The following KIAA1328 variants were observed in gnomAD, a reference collection of about 807,000 sequenced individuals.
KIAA1328 encodes KIAA1328.
In KIAA1328, 52 loss-of-function variants were observed where a neutral mutation model predicts 68.1. That is an observed-to-expected ratio of 0.76 (90% CI 0.61 to 0.96). The LOEUF (loss-of-function observed/expected upper bound fraction) is 0.96. KIAA1328 is among the 40% of genes least tolerant of loss of function. KIAA1328 has a pLI of 0.00. For missense variants in KIAA1328, 641 were observed against 677.6 expected (o/e 0.95, Z 0.60); for synonymous variants, 232 against 239.4 (o/e 0.97, Z 0.28).
chr18:37,109,047 T>A (rs1294635442), intron 7 of KIAA1328, among the ~76,000 whole-genome samples: 2 of 152,002 alleles, frequency 1.3e-5, no homozygotes, highest in African/African-American at 4.8e-5. Context: ...TCTGTCCTTG[T>A]GATAGTTTGC....
chr18:37,026,430 T>G (rs937120474), intron 6 of KIAA1328, among the ~76,000 whole-genome samples: 1 of 151,958 alleles, frequency 6.6e-6, no homozygotes, highest in African/African-American at 2.4e-5. Flanking sequence ...AAAAAGAGAA[T>G]TTTAGACCAA....
intron 7 of KIAA1328, among the ~76,000 whole-genome samples, chr18:37,108,776 T>C (rs1402085612): frequency 1.3e-5 from 2 of 152,146 alleles, no homozygotes; most frequent in Non-Finnish European, 2.9e-5. Flanking sequence ...TTGTTTTGTT[T>C]TGTTTTGTTT....
chr18:36,889,330 CA>C (rs1472684356), intron 5 of KIAA1328, among the ~76,000 whole-genome samples: 6 of 152,132 alleles, frequency 3.9e-5, no homozygotes, highest in African/African-American at 1.4e-4. Context: ...AATTCTGAAA[CA>C]TGTTGGCATG....
rs1403137061 is a variant in KIAA1328 at position 37,193,551 on chromosome 18, C to T, written c.1523+20470C>T. The stretch of plus-strand genomic sequence containing the variant: ...ATGAATATTAACAACCTATTTAATC[C>T]TTGAACCACTCATGGACATTTTAAT... On this transcript the variant is annotated intron_variant, in intron 9 of 9. Coordinates refer to ENST00000280020, the MANE Select transcript of KIAA1328 (RefSeq NM_020776.3). 4.3e-6 allele frequency: 3 copies of T among 699,866 alleles called. No homozygotes were observed. The African/African-American group carries it at 5.3e-5, about 12-fold the overall frequency. 43.4% of individuals were successfully genotyped at this position (699,866 alleles called of 1,614,324 possible). A position where few individuals can be genotyped will look rare whatever the true frequency, so the allele number is the denominator to read the frequency against.
intron 6 of KIAA1328, among the ~76,000 whole-genome samples, chr18:36,981,457 G>C (rs2151374570): frequency 1.3e-5 from 2 of 152,276 alleles, no homozygotes; most frequent in South Asian, 4.1e-4. Flanking sequence ...CCATACAGGA[G>C]AATAATCAGT....
At chr18:37,063,879 A>G (rs923458826) in intron 6 of KIAA1328, among the ~76,000 whole-genome samples, 1 of 152,170 alleles carries the variant, frequency 6.6e-6, no homozygotes, top group Non-Finnish European at 1.5e-5. Context: ...ATATGAATAT[A>G]TAATATAAAA....
At position 36,994,108 on chromosome 18, in the gene KIAA1328, C is replaced by A. The variant is rs1404381370; in HGVS notation, c.576+34673C>A. 2.6e-5 allele frequency among the ~76,000 whole-genome samples: 4 copies of A among 151,908 alleles called. No homozygotes were observed. In the East Asian group the frequency reaches 7.7e-4, roughly 29 times the overall value. ...TTTTCCATTTCAAGAAAATTTATACCCTGTAGTAGTTTAATTAAAATTAAC... is the reference window on the plus strand; with the variant it reads ...TTTTCCATTTCAAGAAAATTTATACACTGTAGTAGTTTAATTAAAATTAAC... On this transcript the variant is annotated intron_variant, in intron 6 of 9. Transcript: ENST00000280020.
intron 4 of KIAA1328, among the ~76,000 whole-genome samples, chr18:36,851,464 C>G (rs984022451): frequency 6.6e-6 from 1 of 151,230 alleles, no homozygotes; most frequent in African/African-American, 2.4e-5. Flanking sequence ...ATTTTGATTA[C>G]TGATTCAATC....
At chr18:37,211,637 G>T (rs1463237263) in intron 9 of KIAA1328, among the ~76,000 whole-genome samples, 1 of 152,168 alleles carries the variant, frequency 6.6e-6, no homozygotes, top group Non-Finnish European at 1.5e-5. Context: ...TAAGCCATTG[G>T]AATTCTGAAG....
At chr18:37,097,877 T>C (rs1294585588) in intron 7 of KIAA1328, among the ~76,000 whole-genome samples, 1 of 152,186 alleles carries the variant, frequency 6.6e-6, no homozygotes, top group Non-Finnish European at 1.5e-5. Flanking sequence ...TGTCTGTTTG[T>C]CTGTTATTAG....
At chr18:37,024,415 A>G (rs887830084) in intron 6 of KIAA1328, among the ~76,000 whole-genome samples, 1 of 150,454 alleles carries the variant, frequency 6.6e-6, no homozygotes, top group African/African-American at 2.4e-5. Context: ...TCTAGGGCAC[A>G]CGTGCACAAT....
chr18:36,972,250 T>C (rs1238293162), intron 6 of KIAA1328, among the ~76,000 whole-genome samples: 11 of 152,200 alleles, frequency 7.2e-5, no homozygotes, highest in Admixed American at 7.2e-4. Context: ...CTTCACACCA[T>C]GCACAAAAAT....
chr18:37,084,393 AAAAC>A (rs1367940198), intron 7 of KIAA1328: 2 of 384,846 alleles, frequency 5.2e-6, no homozygotes, highest in East Asian at 3.8e-5. Context: ...AAAAATATGA[AAAAC>A]AAAATAAAAA....
intron 7 of KIAA1328, among the ~76,000 whole-genome samples, chr18:37,158,716 G>A (rs2059211514): frequency 2.0e-5 from 3 of 152,108 alleles, no homozygotes; most frequent in Admixed American, 2.0e-4. Context: ...TTACCAAGGT[G>A]GAATTTTGAA....
chr18:36,892,019 C>A (rs2048705304), intron 5 of KIAA1328, among the ~76,000 whole-genome samples: 1 of 152,146 alleles, frequency 6.6e-6, no homozygotes, highest in African/African-American at 2.4e-5. Flanking sequence ...TGAAAGAAAT[C>A]ATTCGTTGCA....
intron 6 of KIAA1328, among the ~76,000 whole-genome samples, chr18:37,034,781 A>T (rs887181610): frequency 2.0e-4 from 30 of 152,202 alleles, no homozygotes; most frequent in African/African-American, 7.2e-4. Flanking sequence ...TTTGGTCTTG[A>T]AATAAAAGCA....
At chr18:36,855,252 A>G (rs1290541715) in intron 4 of KIAA1328, among the ~76,000 whole-genome samples, 3 of 152,130 alleles carry the variant, frequency 2.0e-5, no homozygotes, top group Non-Finnish European at 4.4e-5. Flanking sequence ...GCAGCTGCAG[A>G]GTGTTTTAAT....
intron 7 of KIAA1328, among the ~76,000 whole-genome samples, chr18:37,113,897 C>T (rs909651304): frequency 6.6e-6 from 1 of 152,028 alleles, no homozygotes; most frequent in African/African-American, 2.4e-5. Flanking sequence ...CAACTAATAT[C>T]AAAAGAGACA....
intron 8 of KIAA1328, among the ~76,000 whole-genome samples, chr18:37,169,092 A>G (rs2059445226): frequency 6.6e-6 from 1 of 151,934 alleles, no homozygotes; most frequent in African/African-American, 2.4e-5. Flanking sequence ...AAACATACAC[A>G]TTTATGTATG....
Sources: allele counts gnomAD v4.1 joint callset (sites outside exome capture counted in the v4.1 genomes callset), GRCh38; gene constraint gnomAD v4.1.1; transcripts MANE v1.5; gene names NCBI Gene and HGNC (gene_info 2026-07-23, HGNC 2026-07-21).